Variants in AGPAT3 observed in about 807,000 individuals in gnomAD.
AGPAT3 encodes the protein 1-acyl-sn-glycerol-3-phosphate acyltransferase gamma.
In AGPAT3, 5 loss-of-function variants were observed where a neutral mutation model predicts 47.3. The ratio of observed to expected loss-of-function variants is 0.11; its 90% CI spans 0.06 to 0.22. AGPAT3 has a LOEUF of 0.22. AGPAT3 is among the 10% of genes least tolerant of loss of function. The probability of loss-of-function intolerance (pLI) is 1.00; values close to 1 mark genes in which losing one functional copy is unlikely to be tolerated. For synonymous variants in AGPAT3, 212 were observed against 208.3 expected (o/e 1.02, Z -0.15); for missense variants, 315 against 493.0 (o/e 0.64, Z 3.42).
At chr21:43,926,394 A>C (rs1458513610) in intron 2 of AGPAT3, among the ~76,000 whole-genome samples, 5 of 152,194 alleles carry the variant, frequency 3.3e-5, no homozygotes, top group African/African-American at 1.2e-4. Flanking sequence ...GGGGTGGTCC[A>C]GCAGGGAGGG....
At chr21:43,917,839 T>TGTGTTGTGGGTGTTGTGGGGGTTGTGG (rs1569063013) in intron 2 of AGPAT3, among the ~76,000 whole-genome samples, 2 of 56,980 alleles carry the variant, frequency 3.5e-5, no homozygotes, top group Admixed American at 4.2e-4. Flanking sequence ...TTGTGGGTGT[T>TGTGTTGTGGGTGTTGTGGGGGTTGTGG]GTGTTGTGGG....
Position 43,984,784 on chromosome 21 carries a change from G to T in AGPAT3, c.*2392G>T. The T allele has an allele frequency of 1.1e-5, 2 of 189,962 alleles. No homozygotes were observed. Among genetic ancestry groups the T allele is most frequent in the Middle Eastern group, 9.8e-4 (2 of 2,042 alleles). 11.8% of individuals were successfully genotyped at this position (189,962 alleles called of 1,614,324 possible). Reference sequence around the variant, plus strand: ...TTTTAAATTAAATTCATAAATCCCAGAACAGTCTTTTTTTTTTCTTTTTCC... The same window carrying T: ...TTTTAAATTAAATTCATAAATCCCATAACAGTCTTTTTTTTTTCTTTTTCC... On this transcript the variant is annotated 3_prime_UTR_variant, in exon 10 of 10. Transcript: ENST00000291572.
Position 43,873,123 on chromosome 21 carries a change from C to T in AGPAT3, c.-112+7778C>T, listed in dbSNP as rs148460130. On this transcript the variant is annotated intron_variant, in intron 1 of 9. Coordinates refer to ENST00000291572, the MANE Select transcript of AGPAT3 (RefSeq NM_020132.5). Reference sequence around the variant, plus strand: ...GCTGCAGGGAGATGGCATCGAGTGGCGGGTGCACCTGCCGTGTGCTTCCCG... The same window carrying T: ...GCTGCAGGGAGATGGCATCGAGTGGTGGGTGCACCTGCCGTGTGCTTCCCG... Among the ~76,000 whole-genome samples, 441 of 152,258 alleles carry T rather than the reference C, an allele frequency of 2.9e-3. 1 individual carries two copies. The highest frequency in any genetic ancestry group is 0.024 in the Middle Eastern group (7 of 294).
intron 7 of AGPAT3, among the ~76,000 whole-genome samples, chr21:43,975,000 G>C (rs544584679): frequency 6.6e-6 from 1 of 152,364 alleles, no homozygotes; most frequent in Admixed American, 6.5e-5. Flanking sequence ...ATGTGTGCTG[G>C]TGTGTGCTGT....
chr21:43,886,051 G>A (rs1007181066), intron 1 of AGPAT3, among the ~76,000 whole-genome samples: 6 of 152,210 alleles, frequency 3.9e-5, no homozygotes, highest in Non-Finnish European at 7.3e-5. Flanking sequence ...ATAGGAAGCC[G>A]AAGCCTGCAA....
chr21:43,875,432 G>C (rs944062269), intron 1 of AGPAT3, among the ~76,000 whole-genome samples: 1 of 152,144 alleles, frequency 6.6e-6, no homozygotes. Context: ...GATATGGAGG[G>C]TCAACCATAC....
chr21:43,949,578 G>C (rs1342451789), intron 2 of AGPAT3, among the ~76,000 whole-genome samples: 3 of 152,194 alleles, frequency 2.0e-5, no homozygotes, highest in Non-Finnish European at 4.4e-5. Flanking sequence ...GTCAACCTGG[G>C]TTCAAAAGGG....
In AGPAT3 at chr21:43,985,826, A is replaced by G. The variant is rs567196514; in HGVS notation, c.*3434A>G. ...CTGCATGCAGCCCCTGGCGTGCAAT[A>G]CTAGTGCTCCACGGCGCGATGTGCT... On this transcript the variant is annotated 3_prime_UTR_variant, in exon 10 of 10. Transcript: ENST00000291572. 1 of 155,368 alleles carries G rather than the reference A, an allele frequency of 6.4e-6. No individual in the cohort carries two copies. The highest frequency in any genetic ancestry group is 2.0e-4 in the South Asian group (1 of 5,084). 9.6% of individuals were successfully genotyped at this position (155,368 alleles called of 1,614,324 possible).
chr21:43,954,928 T>G lies in AGPAT3; in HGVS notation c.-48-4706T>G. ...CTGCGTAGACTTTCTAGCCCAGAGGTTCAGGTGATGGACCAGAGACTGGCC... is the reference window on the plus strand; with the variant it reads ...CTGCGTAGACTTTCTAGCCCAGAGGGTCAGGTGATGGACCAGAGACTGGCC... On this transcript the variant is annotated intron_variant, in intron 2 of 9. Transcript: ENST00000291572. The surrounding 1 kb of genome is among the most constrained non-coding windows in gnomAD (Gnocchi z 4.0). 1 of 823,090 alleles carries G rather than the reference T, an allele frequency of 1.2e-6. No homozygotes were observed. The highest frequency in any genetic ancestry group is 1.6e-6 in the Non-Finnish European group (1 of 639,182). The allele number at this position is 823,090 out of a possible 1,614,324, so 51.0% of individuals were successfully genotyped here. A position where few individuals can be genotyped will look rare whatever the true frequency, so the allele number is the denominator to read the frequency against.
chr21:43,883,469 C>T (rs983213798), intron 1 of AGPAT3, among the ~76,000 whole-genome samples: 32 of 151,930 alleles, frequency 2.1e-4, no homozygotes, highest in African/African-American at 7.7e-4. Flanking sequence ...CCCTGGGCCC[C>T]GGGAGCCATT....
Position 43,939,214 on chromosome 21 carries a change from G to T in AGPAT3, c.-48-20420G>T, listed in dbSNP as rs1415696489. Reference sequence around the variant, plus strand: ...CGTGACCCTGAGCGAGAATGCACTGGCCGGGCCTCCAGGGGGCGCTCCCTT... The same window carrying T: ...CGTGACCCTGAGCGAGAATGCACTGTCCGGGCCTCCAGGGGGCGCTCCCTT... On this transcript the variant is annotated intron_variant, in intron 2 of 9. Coordinates refer to ENST00000291572, the MANE Select transcript of AGPAT3 (RefSeq NM_020132.5). This position sits in a 1 kb window ranked among gnomAD's most constrained non-coding sequence, Gnocchi z 4.4. Among the ~76,000 whole-genome samples, 3 of 152,140 alleles carry T rather than the reference G, an allele frequency of 2.0e-5. No individual in the cohort carries two copies. The highest frequency in any genetic ancestry group is 4.8e-5 in the African/African-American group (2 of 41,426).
chr21:43,873,644 C>T (rs575535687), intron 1 of AGPAT3, among the ~76,000 whole-genome samples: 1 of 152,334 alleles, frequency 6.6e-6, no homozygotes, highest in East Asian at 1.9e-4. Flanking sequence ...TTCTAAAATG[C>T]TGGGATTACA....
rs188106753 is a variant in AGPAT3, at chr21:43,937,836, C to T, written c.-48-21798C>T. ...ACTATCTCTAAGGCAGTCATTAGGA[C>T]GCATCCCATGAAACCAGATGACTTC... On this transcript the variant is annotated intron_variant, in intron 2 of 9. Transcript: ENST00000291572. Among the ~76,000 whole-genome samples the T allele has an allele frequency of 5.3e-5, 8 of 152,288 alleles. No individual in the cohort carries two copies. The South Asian group carries it at 6.2e-4, about 12-fold the overall frequency.
At chr21:43,980,290 AAC>A (rs60085626) in intron 8 of AGPAT3, among the ~76,000 whole-genome samples, 2,957 of 141,744 alleles carry the variant, frequency 0.021, 284 homozygotes, top group African/African-American at 0.069. Context: ...AAAAAAAAAA[AAC>A]AAAAAAAAAC....
At chr21:43,917,918 T>C (rs1418871238) in intron 2 of AGPAT3, among the ~76,000 whole-genome samples, 1 of 63,914 alleles carries the variant, frequency 1.6e-5, no homozygotes, top group Non-Finnish European at 2.7e-5. Context: ...GTGGGTGTTG[T>C]AGGGGGTGTG....
At chr21:43,953,018 G>T (rs1041039798) in intron 2 of AGPAT3, among the ~76,000 whole-genome samples, 7 of 152,220 alleles carry the variant, frequency 4.6e-5, no homozygotes, top group African/African-American at 1.7e-4. Context: ...GTGGCTTTAT[G>T]GGCCTCCAGT....
intron 1 of AGPAT3, among the ~76,000 whole-genome samples, chr21:43,886,481 A>G (rs575085937): frequency 6.6e-6 from 1 of 152,160 alleles, no homozygotes; most frequent in East Asian, 1.9e-4. Context: ...CGAACTCCTG[A>G]CCTCAAGTGA....
chr21:43,963,336 C>T (rs1601437797), intron 3 of AGPAT3, among the ~76,000 whole-genome samples: 1 of 152,256 alleles, frequency 6.6e-6, no homozygotes, highest in African/African-American at 2.4e-5. Flanking sequence ...TTTTCAGATA[C>T]AGGAAGCACA....
rs138909975 is a variant in AGPAT3, at chr21:43,931,981, C to T, written c.-48-27653C>T. 1.1e-3 allele frequency among the ~76,000 whole-genome samples: 168 copies of T among 148,226 alleles called. 1 individual carries two copies. Among genetic ancestry groups the T allele is most frequent in the African/African-American group, 4.0e-3 (157 of 39,492 alleles). On this transcript the variant is annotated intron_variant, in intron 2 of 9. Coordinates refer to ENST00000291572, the MANE Select transcript of AGPAT3 (RefSeq NM_020132.5). Reference sequence around the variant, plus strand: ...TGTGTGTGTGTCTACCTACCTACTACCTATTTGTCATCTATCTATAATTGA... The same window carrying T: ...TGTGTGTGTGTCTACCTACCTACTATCTATTTGTCATCTATCTATAATTGA...
Sources: gnomAD v4.1 joint callset for allele counts (sites outside exome capture counted in the v4.1 genomes callset) on GRCh38, gnomAD v4.1.1 for gene constraint, Gnocchi (gnomAD v3.1) non-coding constraint, MANE v1.5 for transcripts, NCBI Gene and HGNC (gene_info 2026-07-23, HGNC 2026-07-21) for gene names.